Variants in PBX3 observed in about 807,000 individuals in gnomAD.
PBX3 encodes PBX homeobox 3, also known as pre-B-cell leukemia transcription factor 3.
PBX3 carries 14 observed loss-of-function variants against 48.5 expected under a neutral mutation model. That is an observed-to-expected ratio of 0.29 (90% CI 0.19 to 0.45). The LOEUF is 0.45. Ranked by LOEUF, PBX3 falls within the 20% of genes least tolerant of loss-of-function variation. The pLI, the probability that PBX3 is intolerant of heterozygous loss-of-function variation, is 1.00. For missense variants in PBX3, 386 were observed against 546.7 expected (o/e 0.71, Z 2.93); for synonymous variants, 210 against 200.3 (o/e 1.05, Z -0.41).
At chr9:125,954,451 A>G (rs1424443762) in intron 5 of PBX3, among the ~76,000 whole-genome samples, 4 of 152,350 alleles carry the variant, frequency 2.6e-5, no homozygotes, top group Admixed American at 1.3e-4. Context: ...CATTAGGCTA[A>G]TATGGGAGAG....
chr9:125,860,655 C>G (rs10986990), intron 2 of PBX3, among the ~76,000 whole-genome samples: 3,049 of 152,130 alleles, frequency 0.02, 170 homozygotes, highest in East Asian at 0.17. Context: ...CTTTGAGAGG[C>G]TGAGGCAGGC....
chr9:125,912,543 C>G (rs1841227734), intron 2 of PBX3, among the ~76,000 whole-genome samples: 1 of 152,038 alleles, frequency 6.6e-6, no homozygotes, highest in South Asian at 2.1e-4. Context: ...AAGCCAAGTT[C>G]ATTGTTAAAC....
intron 5 of PBX3, among the ~76,000 whole-genome samples, chr9:125,948,209 T>C (rs968299646): frequency 2.6e-5 from 4 of 152,170 alleles, no homozygotes; most frequent in East Asian, 1.9e-4. Context: ...AGCACAGATA[T>C]AGAAGATTTT....
chr9:125,802,584 G>T (rs1837990963), intron 2 of PBX3, among the ~76,000 whole-genome samples: 1 of 151,906 alleles, frequency 6.6e-6, no homozygotes, highest in Non-Finnish European at 1.5e-5. Flanking sequence ...GTCCAGGCTG[G>T]TCTCAAACTC....
chr9:125,849,617 C>A (rs969186593), intron 2 of PBX3, among the ~76,000 whole-genome samples: 1 of 151,988 alleles, frequency 6.6e-6, no homozygotes, highest in Admixed American at 6.6e-5. Flanking sequence ...TAATCAATAT[C>A]ATGTCATAGT....
At chr9:125,880,233 C>A (rs1222516514) in intron 2 of PBX3, among the ~76,000 whole-genome samples, 1 of 152,148 alleles carries the variant, frequency 6.6e-6, no homozygotes, top group Non-Finnish European at 1.5e-5. Flanking sequence ...TCAGTAGAGA[C>A]AGGGTTTCAC....
At chr9:125,771,891 G>A (rs1836948184) in intron 2 of PBX3, among the ~76,000 whole-genome samples, 1 of 152,148 alleles carries the variant, frequency 6.6e-6, no homozygotes, top group African/African-American at 2.4e-5. Flanking sequence ...TTTGAGGAGA[G>A]TAGTGCAAGG....
chr9:125,881,357 A>G lies in PBX3; in HGVS notation c.275-34329A>G, dbSNP rs28432805. ...TTGTAAAGCTGTGTGTTGGGATGGT[A>G]GATTTTAACAGCTCTCTGTGTCACT... is the stretch of plus-strand genomic sequence containing the variant. On this transcript the variant is annotated intron_variant, in intron 2 of 8. Transcript: ENST00000373489. 5.6e-3 allele frequency among the ~76,000 whole-genome samples: 849 copies of G among 152,318 alleles called. 8 individuals carry two copies. Among genetic ancestry groups the G allele is most frequent in the African/African-American group, 0.019 (804 of 41,554 alleles).
intron 2 of PBX3, among the ~76,000 whole-genome samples, chr9:125,909,031 T>C (rs1189418612): frequency 1.3e-5 from 2 of 152,132 alleles, no homozygotes; most frequent in Admixed American, 6.6e-5. Flanking sequence ...TCTCTTCTTG[T>C]GTAGCTGACA....
chr9:125,780,171 G>A, intron 2 of PBX3, among the ~76,000 whole-genome samples: 1 of 136,628 alleles, frequency 7.3e-6, no homozygotes, highest in African/African-American at 2.8e-5. Flanking sequence ...CCCGGACGGG[G>A]CGGCTGGCCG....
chr9:125,831,674 GTTA>G (rs1172648039), intron 2 of PBX3, among the ~76,000 whole-genome samples: 5 of 151,948 alleles, frequency 3.3e-5, no homozygotes, highest in African/African-American at 1.2e-4. Flanking sequence ...TTTTTTAGTA[GTTA>G]TTATGAAGTG....
intron 2 of PBX3, among the ~76,000 whole-genome samples, chr9:125,874,106 A>T (rs1564150646): frequency 6.6e-6 from 1 of 152,192 alleles, no homozygotes; most frequent in African/African-American, 2.4e-5. Flanking sequence ...AGGTGAAATG[A>T]AATATTGGTA....
intron 8 of PBX3, among the ~76,000 whole-genome samples, chr9:125,964,802 C>A (rs1842497616): frequency 6.6e-6 from 1 of 152,128 alleles, no homozygotes; most frequent in South Asian, 2.1e-4. Context: ...AGCCTGGCAG[C>A]CCAGGCCTGA....
At chr9:125,887,398 TA>T (rs1251884886) in intron 2 of PBX3, among the ~76,000 whole-genome samples, 1 of 152,224 alleles carries the variant, frequency 6.6e-6, no homozygotes, top group Non-Finnish European at 1.5e-5. Flanking sequence ...CACGCTATGC[TA>T]ATCATTTGTT....
At chr9:125,947,144 T>C (rs1462613113) in intron 5 of PBX3, among the ~76,000 whole-genome samples, 1 of 152,210 alleles carries the variant, frequency 6.6e-6, no homozygotes, top group African/African-American at 2.4e-5. Flanking sequence ...AAATAATTTT[T>C]CTCATTTTCT....
chr9:125,773,319 C>G (rs765481675), intron 2 of PBX3, among the ~76,000 whole-genome samples: 1 of 152,118 alleles, frequency 6.6e-6, no homozygotes, highest in Non-Finnish European at 1.5e-5. Context: ...TGGCTGACTC[C>G]TATGTATCTT....
intron 2 of PBX3, among the ~76,000 whole-genome samples, chr9:125,822,078 A>G (rs1165171764): frequency 3.3e-5 from 5 of 152,252 alleles, no homozygotes; most frequent in Non-Finnish European, 5.9e-5. Flanking sequence ...TTAGCCTGTG[A>G]TTAAATAAAG....
intron 2 of PBX3, chr9:125,749,281 T>A (rs1321670348): frequency 6.6e-6 from 1 of 152,234 alleles, no homozygotes; most frequent in Non-Finnish European, 1.5e-5. Flanking sequence ...AATTTTGAAG[T>A]GTCCAAGTCA....
In PBX3 at chr9:125,962,296, G is replaced by T. The variant is rs1234555919; in HGVS notation, c.1122+82G>T. The T allele has an allele frequency of 2.9e-5, 22 of 750,238 alleles. No homozygotes were observed. In the Admixed American group the frequency reaches 4.1e-4, roughly 14 times the overall value. 46.5% of individuals were successfully genotyped at this position (750,238 alleles called of 1,614,324 possible). A position where few individuals can be genotyped will look rare whatever the true frequency, so the allele number is the denominator to read the frequency against. On this transcript the variant is annotated intron_variant, in intron 7 of 8. Coordinates refer to ENST00000373489, the MANE Select transcript of PBX3 (RefSeq NM_006195.6). ...TCCTTCCTCTGACCCCATGGAAGTG[G>T]TCTACACATCCATGCAGAACCTGTG...
Sources: allele counts gnomAD v4.1 joint callset (sites outside exome capture counted in the v4.1 genomes callset), GRCh38; gene constraint gnomAD v4.1.1; transcripts MANE v1.5; gene names NCBI Gene and HGNC (gene_info 2026-07-23, HGNC 2026-07-21).